Variants in RBFOX1 observed in about 807,000 individuals in gnomAD.
RBFOX1 encodes the protein RNA binding fox-1 homolog 1.
Under a neutral mutation model 57.7 loss-of-function variants are expected in RBFOX1, and 8 were observed. The ratio of observed to expected loss-of-function variants is 0.14; its 90% CI spans 0.08 to 0.25. The LOEUF is 0.25. Ranked by LOEUF, RBFOX1 falls within the 10% of genes least tolerant of loss-of-function variation. RBFOX1 has a pLI of 1.00. For synonymous variants in RBFOX1, 326 were observed against 222.4 expected (o/e 1.47, Z -4.15); for missense variants, 611 against 548.5 (o/e 1.11, Z -1.14).
At chr16:6,357,297 T>G (rs536511695) in intron 2 of RBFOX1, among the ~76,000 whole-genome samples, 39 of 151,768 alleles carry the variant, frequency 2.6e-4, no homozygotes, top group Middle Eastern at 3.4e-3. Context: ...GGTGGTGAGG[T>G]TGAGGGAGAG....
intron 2 of RBFOX1, among the ~76,000 whole-genome samples, chr16:5,557,157 G>C (rs535798470): frequency 2.2e-3 from 337 of 152,106 alleles, no homozygotes; most frequent in Admixed American, 4.7e-3. Context: ...CTACTCAGGA[G>C]GCTGAGGCAG....
At chr16:5,789,057 G>T (rs1435510878) in intron 3 of RBFOX1, among the ~76,000 whole-genome samples, 1 of 152,076 alleles carries the variant, frequency 6.6e-6, no homozygotes, top group East Asian at 1.9e-4. Context: ...GAATGTCCTG[G>T]AGTCCTTGTG....
intron 4 of RBFOX1, among the ~76,000 whole-genome samples, chr16:7,303,982 G>T (rs2096102288): frequency 6.6e-6 from 1 of 151,974 alleles, no homozygotes; most frequent in African/African-American, 2.4e-5. Flanking sequence ...TGGGGTGGGG[G>T]GCCCCTTCCA....
At chr16:7,630,562 C>T (rs374260594) in intron 10 of RBFOX1, 41 bp from the exon 11 acceptor site, 19 of 1,611,816 alleles carry the variant, frequency 1.2e-5, no homozygotes, top group South Asian at 3.3e-5. Context: ...TGTAGTGTAC[C>T]GATTCCCAAA....
intron 4 of RBFOX1, among the ~76,000 whole-genome samples, chr16:7,160,904 C>G (rs1391603202): frequency 6.6e-6 from 1 of 151,628 alleles, no homozygotes; most frequent in African/African-American, 2.4e-5. Flanking sequence ...TCAACTCTAA[C>G]TTCTTCAGCC....
At chr16:6,414,631 A>T (rs2093569301) in intron 2 of RBFOX1, among the ~76,000 whole-genome samples, 1 of 152,210 alleles carries the variant, frequency 6.6e-6, no homozygotes, top group African/African-American at 2.4e-5. Context: ...AATATCTAGC[A>T]CCATGTCTGG....
chr16:7,689,456 C>G (rs1009129805), intron 14 of RBFOX1, among the ~76,000 whole-genome samples: 2 of 152,108 alleles, frequency 1.3e-5, no homozygotes, highest in African/African-American at 2.4e-5. Flanking sequence ...ACCTACAGAA[C>G]AGTGAAAATG....
chr16:6,671,886 T>A (rs952794505), intron 3 of RBFOX1, among the ~76,000 whole-genome samples: 1 of 152,240 alleles, frequency 6.6e-6, no homozygotes, highest in African/African-American at 2.4e-5. Context: ...CATTTTACAT[T>A]CACACTGCCT....
chr16:7,084,073 G>C (rs2059612010), intron 4 of RBFOX1, among the ~76,000 whole-genome samples: 1 of 152,146 alleles, frequency 6.6e-6, no homozygotes, highest in Non-Finnish European at 1.5e-5. Flanking sequence ...GGGGGCTTCT[G>C]ATCAAACGTC....
intron 2 of RBFOX1, among the ~76,000 whole-genome samples, chr16:6,643,791 C>G (rs1397796777): frequency 6.6e-6 from 1 of 151,384 alleles, no homozygotes. Context: ...GTCCCTAAGG[C>G]TTGAACTTAT....
At chr16:5,847,890 TTGTC>T (rs142420744) in intron 3 of RBFOX1, among the ~76,000 whole-genome samples, 5,442 of 152,190 alleles carry the variant, frequency 0.036, 181 homozygotes, top group East Asian at 0.19. Flanking sequence ...TGCCAACAGA[TTGTC>T]TGTAATTGTC....
At chr16:7,445,884 A>T (rs535339566) in intron 4 of RBFOX1, among the ~76,000 whole-genome samples, 4 of 152,264 alleles carry the variant, frequency 2.6e-5, no homozygotes, top group African/African-American at 9.6e-5. Context: ...AATGCTCTCA[A>T]TTGGATGGTG....
intron 2 of RBFOX1, among the ~76,000 whole-genome samples, chr16:6,488,302 G>C (rs564827825): frequency 2.6e-5 from 4 of 152,272 alleles, no homozygotes; most frequent in South Asian, 2.1e-4. Context: ...GTACTAGTTG[G>C]ATTTATTGTG....
chr16:5,989,574 G>A (rs1245255696), intron 4 of RBFOX1, among the ~76,000 whole-genome samples: 3 of 152,024 alleles, frequency 2.0e-5, no homozygotes, highest in African/African-American at 4.8e-5. Context: ...AGGGCTCGCC[G>A]ACCTAGAATG....
intron 4 of RBFOX1, among the ~76,000 whole-genome samples, chr16:7,370,003 C>G (rs75029579): frequency 6.6e-6 from 1 of 152,134 alleles, no homozygotes; most frequent in Non-Finnish European, 1.5e-5. Flanking sequence ...TCCCAGAATT[C>G]ATACTTTTTA....
chr16:5,267,302 TTTTTC>T (rs1484251554), intron 1 of RBFOX1, among the ~76,000 whole-genome samples: 1 of 72,516 alleles, frequency 1.4e-5, no homozygotes. Context: ...TAAGGGTTTT[TTTTTC>T]TTTTTCTTTT....
Position 6,830,800 on chromosome 16 carries a change from G to T in RBFOX1, c.-16+176150G>T, listed in dbSNP as rs2092652363. On this transcript the variant is annotated intron_variant, in intron 3 of 15. Coordinates refer to ENST00000550418, the MANE Select transcript of RBFOX1 (RefSeq NM_018723.4). ...CTGTTGAGATGGTAAGGGGTCGAGA[G>T]AGTCATCCAGATAAAATCGGTGTTG... 2.0e-5 allele frequency among the ~76,000 whole-genome samples: 3 copies of T among 152,116 alleles called. No individual in the cohort carries two copies. In the South Asian group the frequency reaches 6.2e-4, roughly 32 times the overall value.
chr16:6,020,529 A>G (rs1034897266), intron 1 of RBFOX1, among the ~76,000 whole-genome samples: 1 of 152,126 alleles, frequency 6.6e-6, no homozygotes, highest in Non-Finnish European at 1.5e-5. Flanking sequence ...CTGGCACTGG[A>G]ATCGATGCCC....
intron 3 of RBFOX1, among the ~76,000 whole-genome samples, chr16:6,967,135 C>G (rs565859112): frequency 1.3e-5 from 2 of 152,202 alleles, no homozygotes; most frequent in East Asian, 3.9e-4. Context: ...TCTATTTAAA[C>G]ATTCATCCAT....
Sources: gnomAD v4.1 joint callset for allele counts (sites outside exome capture counted in the v4.1 genomes callset) on GRCh38, gnomAD v4.1.1 for gene constraint, MANE v1.5 for transcripts, NCBI Gene and HGNC (gene_info 2026-07-23, HGNC 2026-07-21) for gene names.